RCAN1: variants seen among roughly 807,000 people sequenced by gnomAD.
The protein encoded by RCAN1 is calcipressin-1.
RCAN1 carries 11 observed loss-of-function variants against 22.9 expected under a neutral mutation model. The ratio of observed to expected loss-of-function variants is 0.48; its 90% confidence interval spans 0.30 to 0.79. The LOEUF (loss-of-function observed/expected upper bound fraction) is 0.79. Among genes scored for constraint, RCAN1 ranks in the 30% least tolerant of loss-of-function variants. The pLI is 0.06. For missense variants in RCAN1, 291 were observed against 337.8 expected, an observed-to-expected ratio of 0.86 and a Z score of 1.09; for synonymous variants, 136 against 142.3, an observed-to-expected ratio of 0.96 and a Z score of 0.32.
intron 1 of RCAN1, among the ~76,000 whole-genome samples, chr21:34,547,840 C>T (rs769280598): frequency 1.3e-5 from 2 of 152,134 alleles, no homozygotes; most frequent in Admixed American, 6.5e-5. Flanking sequence ...CTTCCAGAAC[C>T]GCAAACCAAA....
At chr21:34,556,988 G>A (rs932579168) in intron 1 of RCAN1, among the ~76,000 whole-genome samples, 17 of 152,182 alleles carry the variant, frequency 1.1e-4, no homozygotes, top group African/African-American at 2.2e-4. Flanking sequence ...CGAGGCAGGC[G>A]GATCACCTGA....
chr21:34,547,874 A>G (rs1986209697), intron 1 of RCAN1, among the ~76,000 whole-genome samples: 1 of 152,210 alleles, frequency 6.6e-6, no homozygotes, highest in East Asian at 1.9e-4. Context: ...TTTATAAGTT[A>G]CCCAGTCTGT....
intron 1 of RCAN1, among the ~76,000 whole-genome samples, chr21:34,547,379 A>G (rs1459381790): frequency 1.3e-5 from 2 of 152,152 alleles, no homozygotes; most frequent in Non-Finnish European, 2.9e-5. Flanking sequence ...ACCCCAGGAA[A>G]CACACAATTT....
chr21:34,606,795 G>T (rs112249113), intron 1 of RCAN1, among the ~76,000 whole-genome samples: 154 of 152,284 alleles, frequency 1.0e-3, no homozygotes, highest in African/African-American at 3.5e-3. Context: ...GGAGAAGGGG[G>T]CCATCTGCAG....
intron 1 of RCAN1, among the ~76,000 whole-genome samples, chr21:34,535,499 A>T (rs1985628951): frequency 6.6e-6 from 1 of 152,238 alleles, no homozygotes; most frequent in South Asian, 2.1e-4. Flanking sequence ...GACAACTAAG[A>T]ATTCTAAATC....
rs542096401 is a variant in RCAN1 at position 34,521,894 on chromosome 21, C to T, written c.427-236G>A. On this transcript the variant is annotated intron_variant, in intron 2 of 3. Transcript: ENST00000313806. ...CTCCCAGGGCTATGGGAGTCACAGG[C>T]ACAGGGACTGCAAATAATTACGCTT... 7.2e-5 allele frequency: 37 copies of T among 514,598 alleles called. No homozygotes were observed. In the East Asian group the frequency reaches 1.1e-3, roughly 16 times the overall value. 31.9% of individuals were successfully genotyped at this position (514,598 alleles called of 1,614,324 possible). A position where few individuals can be genotyped will look rare whatever the true frequency, so the allele number is the denominator to read the frequency against.
chr21:34,603,878 T>A (rs1358790907), intron 1 of RCAN1, among the ~76,000 whole-genome samples: 1 of 152,226 alleles, frequency 6.6e-6, no homozygotes, highest in African/African-American at 2.4e-5. Flanking sequence ...AGAGGACCTA[T>A]AATTATAATT....
Position 34,516,868 on chromosome 21 carries a change from A to G in RCAN1, c.*1216T>C, listed in dbSNP as rs879403170. 3.9e-5 allele frequency: 6 copies of G among 152,642 alleles called. No individual in the cohort carries two copies. The East Asian group carries it at 7.7e-4, about 20-fold the overall frequency. 9.5% of individuals were successfully genotyped at this position (152,642 alleles called of 1,614,324 possible). A position where few individuals can be genotyped will look rare whatever the true frequency, so the allele number is the denominator to read the frequency against. On this transcript the variant is annotated 3_prime_UTR_variant, in exon 4 of 4. Transcript: ENST00000313806. ...ACATTACAACTAGAAAAAAATTACA[A>G]ATGTTAACCTAGTATAACAATTCCA...
At chr21:34,532,608 T>C (rs1985449589) in intron 1 of RCAN1, among the ~76,000 whole-genome samples, 1 of 152,272 alleles carries the variant, frequency 6.6e-6, no homozygotes, top group Non-Finnish European at 1.5e-5. Context: ...TTCCTGTCAC[T>C]GTCATCCACT....
intron 1 of RCAN1, among the ~76,000 whole-genome samples, chr21:34,582,807 C>G (rs538044959): frequency 4.6e-5 from 7 of 152,274 alleles, no homozygotes; most frequent in African/African-American, 1.7e-4. Flanking sequence ...TCCGCGATAA[C>G]ACAGGCAGGG....
intron 1 of RCAN1, among the ~76,000 whole-genome samples, chr21:34,565,859 T>G (rs62211866): frequency 0.088 from 13,378 of 152,204 alleles, 927 homozygotes; most frequent in African/African-American, 0.18. Context: ...CCAGCGACCA[T>G]GTATACACAT....
intron 1 of RCAN1, among the ~76,000 whole-genome samples, chr21:34,561,362 G>A (rs1310932455): frequency 6.6e-6 from 1 of 152,032 alleles, no homozygotes. Context: ...TTTTTTTTGG[G>A]CAAGTGGTTA....
chr21:34,555,107 C>T (rs1406789715), intron 1 of RCAN1, among the ~76,000 whole-genome samples: 2 of 152,180 alleles, frequency 1.3e-5, no homozygotes, highest in Non-Finnish European at 2.9e-5. Context: ...CTTGCTGTTT[C>T]CAGACTGTGG....
In RCAN1 at chr21:34,593,877, C is replaced by T. The variant is rs11910594; in HGVS notation, c.252+20883G>A. Among the ~76,000 whole-genome samples, 817 of 152,326 alleles carry T rather than the reference C, an allele frequency of 5.4e-3. 6 individuals are homozygous for T. Among genetic ancestry groups the T allele is most frequent in the African/African-American group, 0.019 (780 of 41,556 alleles). On this transcript the variant is annotated intron_variant, in intron 1 of 3. Transcript: ENST00000313806. ...GTGGTCTATGCCTGGGTGCCCACTGCTCCAGACAGACTTAGAAATTCTATA... is the reference window on the plus strand; with the variant it reads ...GTGGTCTATGCCTGGGTGCCCACTGTTCCAGACAGACTTAGAAATTCTATA...
In RCAN1 at chr21:34,605,163, G is replaced by A. The variant is rs992702639; in HGVS notation, c.252+9597C>T. ...AAAGGCGGACCCACCCTCTATCTGC[G>A]TGGGCACCATCTAATCAGCTGTCAG... On this transcript the variant is annotated intron_variant, in intron 1 of 3. Coordinates refer to ENST00000313806, the MANE Select transcript of RCAN1 (RefSeq NM_004414.7). Among the ~76,000 whole-genome samples the A allele has an allele frequency of 2.6e-5, 4 of 152,198 alleles. No homozygotes were observed. The East Asian group carries it at 5.8e-4, about 22-fold the overall frequency.
rs1256087212 is a variant in RCAN1 at position 34,517,485 on chromosome 21, G to A, written c.*599C>T. On this transcript the variant is annotated 3_prime_UTR_variant, in exon 4 of 4. Coordinates refer to ENST00000313806, the MANE Select transcript of RCAN1 (RefSeq NM_004414.7). ...GGGAAAGGTGATACGTTTTCCAAAC[G>A]CTTTCCTGGCTTCCCAAAAGATGTA... The A allele has an allele frequency of 1.3e-5, 2 of 152,208 alleles. No homozygotes were observed. The highest frequency in any genetic ancestry group is 4.8e-5 in the African/African-American group (2 of 41,458). The allele number at this position is 152,208 out of a possible 1,614,324, so 9.4% of individuals were successfully genotyped here.
intron 1 of RCAN1, among the ~76,000 whole-genome samples, chr21:34,595,380 TC>T (rs888068145): frequency 6.6e-6 from 1 of 152,234 alleles, no homozygotes; most frequent in African/African-American, 2.4e-5. Flanking sequence ...TCACAGCTTT[TC>T]CTTGACCATG....
At chr21:34,598,210 A>G (rs1489424196) in intron 1 of RCAN1, among the ~76,000 whole-genome samples, 1 of 152,224 alleles carries the variant, frequency 6.6e-6, no homozygotes, top group Non-Finnish European at 1.5e-5. Context: ...AAGTAACAGT[A>G]TACTTCTAGA....
intron 1 of RCAN1, among the ~76,000 whole-genome samples, chr21:34,554,182 C>G (rs970845937): frequency 4.6e-5 from 7 of 152,164 alleles, no homozygotes; most frequent in Non-Finnish European, 1.0e-4. Context: ...TTCTTTGAGA[C>G]AGAAATCTTT....
Sources: allele counts gnomAD v4.1 joint callset (sites outside exome capture counted in the v4.1 genomes callset), GRCh38; gene constraint gnomAD v4.1.1; transcripts MANE v1.5; gene names NCBI Gene and HGNC (gene_info 2026-07-23, HGNC 2026-07-21).